GRIN2B: variants seen among roughly 807,000 people sequenced by gnomAD.
The protein encoded by GRIN2B is glutamate ionotropic receptor NMDA type subunit 2B, also known as glutamate receptor ionotropic, NMDA 2B.
Under a neutral mutation model 114.5 loss-of-function variants are expected in GRIN2B, and 5 were observed. The observed-to-expected ratio is 0.04, with a 90% CI of 0.02 to 0.09. The LOEUF is 0.09. GRIN2B is among the 10% of genes least tolerant of loss of function. The pLI is 1.00. For synonymous variants in GRIN2B, 787 were observed against 745.1 expected, an observed-to-expected ratio of 1.06 and a Z score of -0.92; for missense variants, 1,108 against 1,943.5, an observed-to-expected ratio of 0.57 and a Z score of 8.08.
At chr12:13,570,622 A>G (rs887204432) in intron 11 of GRIN2B, among the ~76,000 whole-genome samples, 1 of 152,236 alleles carries the variant, frequency 6.6e-6, no homozygotes, top group African/African-American at 2.4e-5. Flanking sequence ...TCTCAAATAC[A>G]TAAATTACAG....
intron 2 of GRIN2B, among the ~76,000 whole-genome samples, chr12:13,967,502 C>T (rs760451210): frequency 1.5e-4 from 23 of 152,214 alleles, no homozygotes; most frequent in Non-Finnish European, 2.2e-4. Context: ...TTACATACCT[C>T]TATGGATGTT....
At chr12:13,948,056 C>A (rs984697696) in intron 2 of GRIN2B, among the ~76,000 whole-genome samples, 1 of 152,100 alleles carries the variant, frequency 6.6e-6, no homozygotes, top group African/African-American at 2.4e-5. Context: ...ACTCAAAACC[C>A]AACAATGTTG....
At chr12:13,704,010 A>G (rs1400558268) in intron 4 of GRIN2B, among the ~76,000 whole-genome samples, 1 of 152,202 alleles carries the variant, frequency 6.6e-6, no homozygotes, top group Non-Finnish European at 1.5e-5. Context: ...TATGGCTGCA[A>G]GAAGATAGGG....
intron 4 of GRIN2B, among the ~76,000 whole-genome samples, chr12:13,717,463 C>G (rs1430641956): frequency 6.6e-6 from 1 of 151,870 alleles, no homozygotes; most frequent in South Asian, 2.1e-4. Flanking sequence ...GTTAAATGGC[C>G]TAAGAACTAC....
rs973335208 is a variant in GRIN2B at position 13,538,623 on chromosome 12, T to A, written c.*24160A>T. Reference sequence around the variant, plus strand: ...TGAACCCAGGAGTTCAGAATCAGCCTGGACAACATGGTGAAACCCCGTCTC... The same window carrying A: ...TGAACCCAGGAGTTCAGAATCAGCCAGGACAACATGGTGAAACCCCGTCTC... On this transcript the variant is annotated 3_prime_UTR_variant, in exon 14 of 14. Transcript: ENST00000609686. 8 of 152,126 alleles carry A rather than the reference T, an allele frequency of 5.3e-5. No homozygotes were observed. The highest frequency in any genetic ancestry group is 1.9e-4 in the African/African-American group (8 of 41,402). The allele number at this position is 152,126 out of a possible 1,614,324, so 9.4% of individuals were successfully genotyped here.
intron 11 of GRIN2B, 111 bp from the exon 12 acceptor site, chr12:13,570,128 T>C (rs2136413637): frequency 1.3e-6 from 1 of 785,350 alleles, no homozygotes; most frequent in African/African-American, 1.7e-5. Context: ...GGAGAATTGG[T>C]TCAAAGTAAG....
At chr12:13,592,533 C>A (rs1164592813) in intron 10 of GRIN2B, among the ~76,000 whole-genome samples, 2 of 152,190 alleles carry the variant, frequency 1.3e-5, no homozygotes, top group Admixed American at 6.5e-5. Context: ...TTGGTAAATT[C>A]TTTTACCACC....
intron 2 of GRIN2B, among the ~76,000 whole-genome samples, chr12:13,899,514 T>C (rs1242568730): frequency 7.0e-6 from 1 of 143,744 alleles, no homozygotes; most frequent in Admixed American, 6.9e-5. Flanking sequence ...TGTCTCCTCT[T>C]GGCCCAGGCA....
intron 4 of GRIN2B, among the ~76,000 whole-genome samples, chr12:13,682,303 A>T (rs950070704): frequency 1.1e-4 from 17 of 151,910 alleles, no homozygotes; most frequent in African/African-American, 4.1e-4. Context: ...AAAATATTAA[A>T]CTCTGTGGTT....
At chr12:13,709,218 A>T (rs1468530712) in intron 4 of GRIN2B, among the ~76,000 whole-genome samples, 1 of 152,048 alleles carries the variant, frequency 6.6e-6, no homozygotes, top group South Asian at 2.1e-4. Context: ...AGTGGCTTTA[A>T]ATAAGGCTCA....
intron 2 of GRIN2B, among the ~76,000 whole-genome samples, chr12:13,972,815 A>T (rs899473798): frequency 1.3e-5 from 2 of 152,220 alleles, no homozygotes; most frequent in African/African-American, 4.8e-5. Context: ...CACATGCATT[A>T]TTGTCCCTAA....
chr12:13,914,798 T>A (rs934613812), intron 2 of GRIN2B, among the ~76,000 whole-genome samples: 1 of 152,188 alleles, frequency 6.6e-6, no homozygotes, highest in African/African-American at 2.4e-5. Flanking sequence ...GATCACTATG[T>A]TGAGTGAAAT....
intron 4 of GRIN2B, among the ~76,000 whole-genome samples, chr12:13,698,130 G>A (rs1950277841): frequency 6.6e-6 from 1 of 152,246 alleles, no homozygotes; most frequent in African/African-American, 2.4e-5. Flanking sequence ...GTGCTCCAAG[G>A]TTGATGAGGC....
intron 3 of GRIN2B, among the ~76,000 whole-genome samples, chr12:13,817,695 A>G (rs2136690467): frequency 6.6e-6 from 1 of 152,326 alleles, no homozygotes; most frequent in African/African-American, 2.4e-5. Context: ...AGAATAACCC[A>G]ATGATGAGTA....
chr12:13,940,078 T>C lies in GRIN2B; in HGVS notation c.-19+39850A>G, dbSNP rs553974393. On this transcript the variant is annotated intron_variant, in intron 2 of 13. Transcript: ENST00000609686. ...TGTGGAGAAAAGAGTTTGCAATCTG[T>C]AGATTCTATTGCTAATTTTTACCAG... is the stretch of plus-strand genomic sequence containing the variant. 7.2e-5 allele frequency among the ~76,000 whole-genome samples: 11 copies of C among 152,280 alleles called. No individual in the cohort carries two copies. In the East Asian group the frequency reaches 2.1e-3, roughly 29 times the overall value.
intron 3 of GRIN2B, among the ~76,000 whole-genome samples, chr12:13,775,832 T>C (rs1565532946): frequency 6.6e-6 from 1 of 152,214 alleles, no homozygotes; most frequent in Non-Finnish European, 1.5e-5. Context: ...TAGTCACATA[T>C]ATTTTCCCTC....
At chr12:13,806,430 G>A in intron 3 of GRIN2B, among the ~76,000 whole-genome samples, 1 of 152,074 alleles carries the variant, frequency 6.6e-6, no homozygotes, top group Non-Finnish European at 1.5e-5. Context: ...CAGCTATGAG[G>A]TGATATCACA....
At chr12:13,788,654 TC>T (rs1864260570) in intron 3 of GRIN2B, among the ~76,000 whole-genome samples, 1 of 150,966 alleles carries the variant, frequency 6.6e-6, no homozygotes, top group East Asian at 1.9e-4. Context: ...AACTTTGGTT[TC>T]CCTTCTTTCC....
At chr12:13,779,836 G>C (rs1232944195) in intron 3 of GRIN2B, among the ~76,000 whole-genome samples, 1 of 152,174 alleles carries the variant, frequency 6.6e-6, no homozygotes, top group Non-Finnish European at 1.5e-5. Context: ...CTGTGCCTCA[G>C]TTGCCCCATC....
Sources: allele counts gnomAD v4.1 joint callset (sites outside exome capture counted in the v4.1 genomes callset), GRCh38; gene constraint gnomAD v4.1.1; transcripts MANE v1.5; gene names NCBI Gene and HGNC (gene_info 2026-07-23, HGNC 2026-07-21).